The following METTL15 variants were observed in gnomAD, a reference collection of about 807,000 sequenced individuals.
METTL15 encodes methyltransferase 15, mitochondrial 12S rRNA N4-cytidine.
In METTL15, 34 loss-of-function variants were observed where a neutral mutation model predicts 38.3. That is an observed-to-expected ratio of 0.89 (90% CI 0.68 to 1.18). The LOEUF is 1.18. Ranked by LOEUF, METTL15 falls within the 50% of genes most tolerant of loss-of-function variation. The pLI, the probability that METTL15 is intolerant of heterozygous loss-of-function variation, is 0.00. For missense variants in METTL15, 438 were observed against 498.4 expected, an observed-to-expected ratio of 0.88 and a Z score of 1.15; for synonymous variants, 162 against 170.9, an observed-to-expected ratio of 0.95 and a Z score of 0.41.
intron 4 of METTL15, among the ~76,000 whole-genome samples, chr11:28,359,717 A>G (rs574509065): frequency 6.6e-6 from 1 of 152,284 alleles, no homozygotes; most frequent in African/African-American, 2.4e-5. Flanking sequence ...TCTTTCTACA[A>G]GAAATTCTTA....
At chr11:28,334,518 TA>T (rs1331707062), downstream of METTL15, among the ~76,000 whole-genome samples, 1 of 152,092 alleles carries the variant, frequency 6.6e-6, no homozygotes. Flanking sequence ...AGGTGCTTGA[TA>T]AATATAAATT....
chr11:28,309,915 T>C (rs1381629905), intron 6 of METTL15, among the ~76,000 whole-genome samples: 1 of 152,186 alleles, frequency 6.6e-6, no homozygotes, highest in Non-Finnish European at 1.5e-5. Flanking sequence ...TGTTCATCTG[T>C]TATTTAGACT....
At chr11:28,310,707 A>G (rs1225988900) in intron 6 of METTL15, among the ~76,000 whole-genome samples, 1 of 151,922 alleles carries the variant, frequency 6.6e-6, no homozygotes, top group Admixed American at 6.6e-5. Flanking sequence ...TTCTTTTTTC[A>G]TATTTTCTGA....
At chr11:28,424,113 T>A (rs927009726) in intron 5 of METTL15, among the ~76,000 whole-genome samples, 4 of 152,196 alleles carry the variant, frequency 2.6e-5, no homozygotes, top group African/African-American at 9.6e-5. Flanking sequence ...TACTGACATC[T>A]GCATTTGTCA....
chr11:28,474,790 G>A (rs185262402), intron 6 of METTL15, among the ~76,000 whole-genome samples: 2 of 152,254 alleles, frequency 1.3e-5, no homozygotes, highest in Non-Finnish European at 2.9e-5. Context: ...ATAATGAAGG[G>A]TGGACTCTAC....
intron 5 of METTL15, among the ~76,000 whole-genome samples, chr11:28,290,748 T>C (rs924488061): frequency 1.3e-5 from 2 of 151,894 alleles, no homozygotes; most frequent in South Asian, 4.1e-4. Flanking sequence ...CAACTATGCC[T>C]CTTGTGAGAA....
At chr11:28,380,810 T>C (rs574065428) in intron 5 of METTL15, among the ~76,000 whole-genome samples, 2 of 150,754 alleles carry the variant, frequency 1.3e-5, no homozygotes, top group East Asian at 4.0e-4. Flanking sequence ...AAAGATAGCT[T>C]TGCTAGATGT....
chr11:28,156,915 AACAG>A (rs1441550135), intron 3 of METTL15, among the ~76,000 whole-genome samples: 1 of 152,202 alleles, frequency 6.6e-6, no homozygotes, highest in Non-Finnish European at 1.5e-5. Flanking sequence ...AGATTGCAAA[AACAG>A]ACACTTTAAA....
intron 4 of METTL15, among the ~76,000 whole-genome samples, chr11:28,247,008 A>G (rs550017911): frequency 1.7e-4 from 26 of 152,262 alleles, no homozygotes; most frequent in Admixed American, 1.2e-3. Context: ...ATGAACTATA[A>G]ATGCTATACT....
chr11:28,229,730 C>T (rs1460721121), intron 4 of METTL15, among the ~76,000 whole-genome samples: 8 of 151,974 alleles, frequency 5.3e-5, no homozygotes, highest in Non-Finnish European at 1.0e-4. Context: ...AATAAATTTC[C>T]GTTTCAATAA....
At chr11:28,417,447 C>T (rs1850783210) in intron 5 of METTL15, among the ~76,000 whole-genome samples, 1 of 152,168 alleles carries the variant, frequency 6.6e-6, no homozygotes, top group African/African-American at 2.4e-5. Flanking sequence ...GAGAATCTGG[C>T]TCAAGGGACT....
At chr11:28,140,857 T>A (rs1849674822) in intron 3 of METTL15, among the ~76,000 whole-genome samples, 1 of 152,178 alleles carries the variant, frequency 6.6e-6, no homozygotes, top group African/African-American at 2.4e-5. Flanking sequence ...TGTGGGCACT[T>A]AGTCCGCTGC....
chr11:28,359,479 A>AT (rs1469407810), intron 4 of METTL15, among the ~76,000 whole-genome samples: 2 of 152,070 alleles, frequency 1.3e-5, no homozygotes, highest in Non-Finnish European at 2.9e-5. Context: ...TGTAATTTTA[A>AT]TTTTTTGAGA....
At chr11:28,157,847 C>T (rs1302406640) in intron 3 of METTL15, among the ~76,000 whole-genome samples, 1 of 152,146 alleles carries the variant, frequency 6.6e-6, no homozygotes, top group Non-Finnish European at 1.5e-5. Context: ...GATCAGTTGA[C>T]AGCGGAAGAG....
At chr11:28,387,471 G>A (rs1292905850) in intron 5 of METTL15, among the ~76,000 whole-genome samples, 3 of 151,828 alleles carry the variant, frequency 2.0e-5, no homozygotes, top group Non-Finnish European at 4.4e-5. Context: ...ACAGAACCAT[G>A]CAAACTACCA....
At chr11:28,260,057 A>G (rs1443313428) in intron 4 of METTL15, among the ~76,000 whole-genome samples, 2 of 152,196 alleles carry the variant, frequency 1.3e-5, no homozygotes, top group African/African-American at 4.8e-5. Flanking sequence ...AGCCTGGCTT[A>G]CTGCAAAAGT....
chr11:28,253,532 A>G (rs1854835905), intron 4 of METTL15, among the ~76,000 whole-genome samples: 1 of 152,086 alleles, frequency 6.6e-6, no homozygotes, highest in Non-Finnish European at 1.5e-5. Context: ...TTTTACTGTC[A>G]AATTCTAGGT....
chr11:28,518,275 AAG>A (rs1851735939), intron 6 of METTL15, among the ~76,000 whole-genome samples: 1 of 152,162 alleles, frequency 6.6e-6, no homozygotes, highest in Non-Finnish European at 1.5e-5. Context: ...GTGAGAAAGA[AAG>A]ACTTTTGGGA....
At chr11:28,413,193 C>T (rs1050188268) in intron 5 of METTL15, among the ~76,000 whole-genome samples, 1 of 151,952 alleles carries the variant, frequency 6.6e-6, no homozygotes, top group Non-Finnish European at 1.5e-5. Context: ...TATATGGGCT[C>T]AGTTAGCCAT....
Sources: allele counts gnomAD v4.1 joint callset (sites outside exome capture counted in the v4.1 genomes callset), GRCh38; gene constraint gnomAD v4.1.1; transcripts MANE v1.5; gene names NCBI Gene and HGNC (gene_info 2026-07-23, HGNC 2026-07-21).